Variants in HSPG2 observed in about 807,000 individuals in gnomAD.
HSPG2 encodes the protein heparan sulfate proteoglycan 2.
A neutral mutation model predicts 526.6 loss-of-function variants in HSPG2; 278 were observed. That is an observed-to-expected ratio of 0.53 (90% CI 0.48 to 0.58). HSPG2 has a LOEUF of 0.58. Among genes scored for constraint, HSPG2 ranks in the 20% least tolerant of loss-of-function variants. The pLI is 0.00. For missense variants in HSPG2, 5,354 were observed against 6,099.5 expected (o/e 0.88, Z 4.07); for synonymous variants, 2,465 against 2,555.4 (o/e 0.96, Z 1.07).
Position 21,842,379 on chromosome 1 carries a change from G to T in HSPG2, c.8912C>A (p.Thr2971Asn). 1 of 1,605,620 alleles carries T rather than the reference G, an allele frequency of 6.2e-7. No individual in the cohort carries two copies. The change falls in exon 68 of 97, where the codon ACC (threonine) becomes AAC (asparagine). Residue 2971 changes from threonine (T) to asparagine (N), a missense_variant and splice_region_variant. Physicochemically the swap from Thr to Asn is moderately conservative, Grantham distance 65. Coordinates refer to ENST00000374695, the MANE Select transcript of HSPG2 (RefSeq NM_005529.7). ...RGGSLPARHQ[T>N]HGSQLRLHLV... Reference sequence around the variant, plus strand: ...GTGGAGCCGCAGCTGGGAGCCATGGGTCTGTCAGAGCAGCGAGGGGACAGT... The same window carrying T: ...GTGGAGCCGCAGCTGGGAGCCATGGTTCTGTCAGAGCAGCGAGGGGACAGT...
intron 17 of HSPG2, 116 bp from the exon 18 acceptor site, chr1:21,879,237 G>T: frequency 1.6e-6 from 2 of 1,223,528 alleles, no homozygotes; most frequent in Non-Finnish European, 2.4e-6. Context: ...GCACAGCTTT[G>T]CAGACAGGGG....
chr1:21,935,360 A>G (rs1307709501), intron 1 of HSPG2, among the ~76,000 whole-genome samples: 2 of 152,112 alleles, frequency 1.3e-5, no homozygotes, highest in African/African-American at 2.4e-5. Flanking sequence ...TTATTTGTCT[A>G]AATTACCGCC....
At chr1:21,850,325 C>A in intron 56 of HSPG2, 38 bp downstream of exon 56, 1 of 1,603,342 alleles carries the variant, frequency 6.2e-7, no homozygotes, top group South Asian at 1.1e-5. Flanking sequence ...GCCTCCCACC[C>A]TGGGTCCCCA....
chr1:21,933,573 C>T (rs532109420), intron 1 of HSPG2, among the ~76,000 whole-genome samples: 107 of 152,358 alleles, frequency 7.0e-4, no homozygotes, highest in African/African-American at 2.3e-3. Flanking sequence ...CACCGTCTCC[C>T]GGGCAGGGCT....
In HSPG2 at chr1:21,831,206, T is replaced by C; in HGVS notation, c.11562+9A>G. On this transcript the variant is annotated intron_variant, in intron 84 of 96. Transcript: ENST00000374695. ...CGGCAGCCAGGTGGTGTGTGGGGTG[T>C]GGGGTCACCTGGCAGGGCCGGTCCC... 6.2e-7 allele frequency: 1 copy of C among 1,611,514 alleles called. No homozygotes were observed. Among genetic ancestry groups the C allele is most frequent in the Non-Finnish European group, 8.5e-7 (1 of 1,177,864 alleles).
chr1:21,869,680 C>T (rs1359390607), intron 33 of HSPG2: 11 of 985,958 alleles, frequency 1.1e-5, no homozygotes, highest in African/African-American at 5.2e-5. Flanking sequence ...GACCAGGAGC[C>T]GAAGAGCGGC....
chr1:21,834,161 T>C lies in HSPG2; in HGVS notation c.10721-236A>G, dbSNP rs71636990. On this transcript the variant is annotated intron_variant, in intron 77 of 96. Transcript: ENST00000374695. ...TCCACAGCCTGAGACCTCTTCAACA[T>C]GCCTGGGCAAAAAATTGTGCAGCCC... Among the ~76,000 whole-genome samples the C allele has an allele frequency of 0.041, 6,168 of 152,292 alleles. 179 individuals are homozygous for C. The highest frequency in any genetic ancestry group is 0.1 in the South Asian group (505 of 4,828).
chr1:21,878,526 A>G (rs1317474710), intron 19 of HSPG2, 35 bp from the exon 20 acceptor site: 2 of 1,613,612 alleles, frequency 1.2e-6, no homozygotes, highest in African/African-American at 1.3e-5. Context: ...CAGCACTTCC[A>G]TGACCCCACC....
In HSPG2 at chr1:21,898,795, GCAAC is replaced by G. The variant is rs1361187428; in HGVS notation, c.64-2489_64-2486del. The stretch of plus-strand genomic sequence containing the variant: ...TGTCAATGCCAATCCCCCTCTCATT[GCAAC>G]CAAGGTTATGGAGGGCATGCCTGGA... On this transcript the variant is annotated intron_variant, in intron 1 of 96. Transcript: ENST00000374695. This position sits in a 1 kb window ranked among gnomAD's most constrained non-coding sequence, Gnocchi z 4.0. Among the ~76,000 whole-genome samples, 1 of 152,156 alleles carries G rather than the reference GCAAC, an allele frequency of 6.6e-6. No individual in the cohort carries two copies. The highest frequency in any genetic ancestry group is 2.4e-5 in the African/African-American group (1 of 41,420).
chr1:21,859,990 G>A lies in HSPG2; in HGVS notation c.5027C>T (p.Pro1676Leu). 1 of 1,610,618 alleles carries A rather than the reference G, an allele frequency of 6.2e-7. No individual in the cohort carries two copies. The highest frequency in any genetic ancestry group is 8.5e-7 in the Non-Finnish European group (1 of 1,179,068). ...GQCLPETNQA[P>L]LVVEVHPARS... ...AGCAGGATGGACCTCGACCACCAGT[G>A]GGGCTTGGTTTGCTGGGGGTGGGGG... The change falls in exon 41 of 97, where the codon CCA (proline) becomes CTA (leucine). Residue 1676 changes from proline (P) to leucine (L), a missense_variant. By Grantham distance (98) the Pro-to-Leu change is moderately conservative. Transcript: ENST00000374695. The surrounding 1 kb of genome is among the most constrained non-coding windows in gnomAD (Gnocchi z 5.3).
At position 21,827,912 on chromosome 1, in the gene HSPG2, T is replaced by C; in HGVS notation, c.12540A>G (p.Gly4180=). ...GCCAGTCGGACTCTGCTATGCCATG[T>C]CCAGAGCCTATGGAGAAGGGCAGGG... ...FSGPRCQQGS[G]HGIAESDWHL... The change falls in exon 91 of 97, where the codon GGA becomes GGG. Residue 4180 remains glycine, a synonymous_variant. Transcript: ENST00000374695. 6.2e-7 allele frequency: 1 copy of C among 1,601,950 alleles called. No homozygotes were observed. Among genetic ancestry groups the C allele is most frequent in the Admixed American group, 1.7e-5 (1 of 57,706 alleles).
intron 1 of HSPG2, among the ~76,000 whole-genome samples, chr1:21,932,989 G>C (rs1016144192): frequency 5.3e-5 from 8 of 152,166 alleles, no homozygotes; most frequent in Non-Finnish European, 7.4e-5. Flanking sequence ...GAGGCCGAAG[G>C]GGGTGGATCA....
At chr1:21,830,889 G>A in intron 85 of HSPG2, 93 bp downstream of exon 85, 1 of 798,720 alleles carries the variant, frequency 1.3e-6, no homozygotes, top group Non-Finnish European at 2.1e-6. Context: ...GTGTGGAAGT[G>A]CCCCAGTGGT....
rs909874445 is a variant in HSPG2 at position 21,823,067 on chromosome 1, A to G, written c.*249T>C. 3.4e-5 allele frequency: 14 copies of G among 410,610 alleles called. No individual in the cohort carries two copies. Among genetic ancestry groups the G allele is most frequent in the Non-Finnish European group, 4.7e-5 (11 of 233,150 alleles). 25.4% of individuals were successfully genotyped at this position (410,610 alleles called of 1,614,324 possible). On this transcript the variant is annotated 3_prime_UTR_variant, in exon 97 of 97. Coordinates refer to ENST00000374695, the MANE Select transcript of HSPG2 (RefSeq NM_005529.7). The stretch of plus-strand genomic sequence containing the variant: ...TGGGCCCACCCAGCCACTGTTCCTG[A>G]CCCCAAGTCCTGGTGACTTTCTGAG...
chr1:21,892,600 T>C (rs2501258), intron 3 of HSPG2, among the ~76,000 whole-genome samples: 149,734 of 152,360 alleles, frequency 0.98, 73,629 homozygotes, highest in Middle Eastern at 1. Flanking sequence ...CCGGGCTGGG[T>C]GCAGTGGCTC....
At chr1:21,867,876 C>T (rs1400076240) in intron 33 of HSPG2, among the ~76,000 whole-genome samples, 1 of 151,980 alleles carries the variant, frequency 6.6e-6, no homozygotes, top group Admixed American at 6.6e-5. Flanking sequence ...ATTACAGGTG[C>T]CTGCCAACAC....
rs140056847 is a variant in HSPG2 at position 21,864,894 on chromosome 1, G to C, written c.4575C>G (p.Leu1525=). The C allele has an allele frequency of 4.3e-5, 70 of 1,610,470 alleles. No individual in the cohort carries two copies. The highest frequency in any genetic ancestry group is 5.5e-5 in the Non-Finnish European group (65 of 1,179,458). Residue 1525 remains leucine (L), a synonymous_variant, in exon 36 of 97, where the codon CTC becomes CTG. Coordinates refer to ENST00000374695, the MANE Select transcript of HSPG2 (RefSeq NM_005529.7). This position sits in a 1 kb window ranked among gnomAD's most constrained non-coding sequence, Gnocchi z 4.8. ...QPGPSNRPRA[L]EVEECRCPPG... Reference sequence around the variant, plus strand: ...GCGGGCAGCGGCACTCCTCCACCTCGAGGGCGCGGGGTCTGTTTGAGGGCC... The same window carrying C: ...GCGGGCAGCGGCACTCCTCCACCTCCAGGGCGCGGGGTCTGTTTGAGGGCC...
At chr1:21,825,650 G>T (rs994263884) in intron 91 of HSPG2, among the ~76,000 whole-genome samples, 4 of 152,206 alleles carry the variant, frequency 2.6e-5, no homozygotes, top group Non-Finnish European at 5.9e-5. Context: ...CAAATGATGA[G>T]GAGAACGGCT....
At chr1:21,831,380 G>T in intron 83 of HSPG2, 56 bp from the exon 84 acceptor site, 1 of 1,603,296 alleles carries the variant, frequency 6.2e-7, no homozygotes, top group South Asian at 1.1e-5. Context: ...CCCATACCCT[G>T]AGGTGCCCTC....
Sources: gnomAD v4.1 joint callset for allele counts (sites outside exome capture counted in the v4.1 genomes callset) on GRCh38, gnomAD v4.1.1 for gene constraint, Gnocchi (gnomAD v3.1) non-coding constraint, MANE v1.5 for transcripts, NCBI Gene and HGNC (gene_info 2026-07-23, HGNC 2026-07-21) for gene names.